FGGY: variants seen among roughly 807,000 people sequenced by gnomAD.
FGGY encodes FGGY carbohydrate kinase domain-containing protein.
A neutral mutation model predicts 71.3 loss-of-function variants in FGGY; 72 were observed. That is an observed-to-expected ratio of 1.01 (90% CI 0.84 to 1.23). The LOEUF is 1.23. FGGY is among the 50% of genes most tolerant of loss of function. The pLI is 0.00. For missense variants in FGGY, 668 were observed against 682.3 expected (o/e 0.98, Z 0.23); for synonymous variants, 251 against 250.3 (o/e 1.00, Z -0.02).
chr1:59,508,453 G>A (rs2094445815), intron 6 of FGGY, among the ~76,000 whole-genome samples: 3 of 152,222 alleles, frequency 2.0e-5, no homozygotes, highest in South Asian at 4.1e-4. Context: ...TCTGGGAAAA[G>A]CAATGCTGTG....
intron 7 of FGGY, among the ~76,000 whole-genome samples, chr1:59,533,744 C>G (rs1570803024): frequency 6.6e-6 from 1 of 152,100 alleles, no homozygotes; most frequent in Admixed American, 6.5e-5. Context: ...CAGACTGACA[C>G]CTCACACAGA....
At chr1:59,717,249 T>G (rs2097852051) in intron 14 of FGGY, among the ~76,000 whole-genome samples, 3 of 152,170 alleles carry the variant, frequency 2.0e-5, no homozygotes. Flanking sequence ...CGTTGAGATT[T>G]TATAGGGTAA....
intron 14 of FGGY, among the ~76,000 whole-genome samples, chr1:59,692,428 G>A (rs376439514): frequency 6.6e-6 from 1 of 152,158 alleles, no homozygotes; most frequent in South Asian, 2.1e-4. Flanking sequence ...AGATAATTAT[G>A]TAACTTGTTC....
intron 14 of FGGY, chr1:59,754,657 A>C (rs1439426747): frequency 6.6e-6 from 1 of 152,170 alleles, no homozygotes; most frequent in Non-Finnish European, 1.5e-5. Flanking sequence ...CCCTCAAGTG[A>C]TCCACCCACC....
chr1:59,481,517 C>T (rs2093467395), intron 6 of FGGY, among the ~76,000 whole-genome samples: 1 of 152,086 alleles, frequency 6.6e-6, no homozygotes, highest in Non-Finnish European at 1.5e-5. Context: ...ATGTGGGAAT[C>T]AAGAGGGGAG....
intron 14 of FGGY, 35 bp downstream of exon 14, chr1:59,674,168 C>A: frequency 6.5e-7 from 1 of 1,548,794 alleles, no homozygotes; most frequent in East Asian, 2.3e-5. Flanking sequence ...TGTGGCTCCT[C>A]CCCTGTCTGA....
intron 6 of FGGY, among the ~76,000 whole-genome samples, chr1:59,480,952 G>A (rs1393079142): frequency 6.6e-6 from 1 of 151,894 alleles, no homozygotes; most frequent in Non-Finnish European, 1.5e-5. Context: ...AAAAATGTTG[G>A]TATTTTTATT....
At chr1:59,443,633 G>A (rs539302198) in intron 5 of FGGY, among the ~76,000 whole-genome samples, 2 of 152,342 alleles carry the variant, frequency 1.3e-5, no homozygotes, top group African/African-American at 4.8e-5. Context: ...GGATTATATA[G>A]ACACCACTGT....
intron 2 of FGGY, among the ~76,000 whole-genome samples, chr1:59,323,559 A>G (rs2046784438): frequency 6.6e-6 from 1 of 152,204 alleles, no homozygotes; most frequent in South Asian, 2.1e-4. Flanking sequence ...TTAGAGAGAT[A>G]ATAACACCAT....
intron 5 of FGGY, among the ~76,000 whole-genome samples, chr1:59,411,954 A>T (rs1286279539): frequency 6.6e-6 from 1 of 152,148 alleles, no homozygotes; most frequent in African/African-American, 2.4e-5. Flanking sequence ...CATGCACTAT[A>T]ATATGATTTC....
chr1:59,471,287 C>T (rs1242077414), intron 6 of FGGY, among the ~76,000 whole-genome samples: 1 of 152,196 alleles, frequency 6.6e-6, no homozygotes, highest in African/African-American at 2.4e-5. Context: ...TCTCCTTCCA[C>T]CATGATTCTA....
intron 5 of FGGY, among the ~76,000 whole-genome samples, chr1:59,415,741 G>A (rs1344364655): frequency 2.6e-5 from 4 of 152,156 alleles, no homozygotes; most frequent in Non-Finnish European, 2.9e-5. Flanking sequence ...TTCATCTCCA[G>A]GTCAGTGTCT....
intron 8 of FGGY, among the ~76,000 whole-genome samples, chr1:59,586,747 G>A (rs1481879657): frequency 6.6e-6 from 1 of 152,094 alleles, no homozygotes; most frequent in Non-Finnish European, 1.5e-5. Flanking sequence ...TTGGGGAAGA[G>A]TAGATAGACA....
intron 1 of FGGY, among the ~76,000 whole-genome samples, chr1:59,302,422 A>G (rs1044895255): frequency 2.0e-5 from 3 of 152,208 alleles, no homozygotes; most frequent in South Asian, 2.1e-4. Flanking sequence ...ATGCCGGTCA[A>G]TGGTAGATTG....
chr1:59,345,593 C>G (rs762634450), intron 3 of FGGY, among the ~76,000 whole-genome samples: 1 of 152,104 alleles, frequency 6.6e-6, no homozygotes, highest in Non-Finnish European at 1.5e-5. Context: ...TGTTTAAAAA[C>G]TTCCTGAATT....
chr1:59,670,767 G>A (rs2097370537), intron 13 of FGGY, among the ~76,000 whole-genome samples: 2 of 152,142 alleles, frequency 1.3e-5, no homozygotes, highest in South Asian at 4.1e-4. Context: ...GCCATGTTGA[G>A]AACAGCCTGC....
intron 11 of FGGY, among the ~76,000 whole-genome samples, chr1:59,650,406 T>C (rs2097145840): frequency 8.2e-6 from 1 of 121,900 alleles, no homozygotes; most frequent in Non-Finnish European, 1.6e-5. Context: ...GGTAAGCTAT[T>C]AATTATTGCC....
intron 4 of FGGY, 60 bp downstream of exon 4, chr1:59,346,458 G>A: frequency 6.3e-7 from 1 of 1,576,830 alleles, no homozygotes; most frequent in Non-Finnish European, 8.6e-7. Context: ...TGTTACTGTG[G>A]ACCTGTAGGT....
At position 59,694,423 on chromosome 1, in the gene FGGY, C is replaced by G. The variant is rs189442250; in HGVS notation, c.1512+20290C>G. On this transcript the variant is annotated intron_variant, in intron 14 of 15. Transcript: ENST00000303721. ...TCAGTTCGTGGACTGGTTCACATGT[C>G]TTATCAGTTTTCTCAAAGTTTCCAT... Among the ~76,000 whole-genome samples the G allele has an allele frequency of 3.9e-5, 6 of 152,228 alleles. No homozygotes were observed. The East Asian group carries it at 1.2e-3, about 29-fold the overall frequency.
Sources: gnomAD v4.1 joint callset for allele counts (sites outside exome capture counted in the v4.1 genomes callset) on GRCh38, gnomAD v4.1.1 for gene constraint, MANE v1.5 for transcripts, NCBI Gene and HGNC (gene_info 2026-07-23, HGNC 2026-07-21) for gene names.